Variants in AGBL4 observed in about 807,000 individuals in gnomAD.
AGBL4 encodes cytosolic carboxypeptidase 6.
In AGBL4, 58 loss-of-function variants were observed where a neutral mutation model predicts 66.4. The observed-to-expected ratio is 0.87, with a 90% confidence interval of 0.71 to 1.09. The LOEUF is 1.09. Ranked by LOEUF, AGBL4 falls within the 50% of genes least tolerant of loss-of-function variation. The pLI is 0.00. For missense variants in AGBL4, 579 were observed against 631.0 expected (o/e 0.92, Z 0.88); for synonymous variants, 234 against 222.9 (o/e 1.05, Z -0.44).
At chr1:49,516,075 C>A (rs1558013705) in intron 3 of AGBL4, among the ~76,000 whole-genome samples, 1 of 147,602 alleles carries the variant, frequency 6.8e-6, no homozygotes, top group East Asian at 2.0e-4. Context: ...CCCCCCCCCA[C>A]AAAAAAAAAT....
At chr1:48,892,679 G>T (rs558551674) in intron 5 of AGBL4, among the ~76,000 whole-genome samples, 58 of 152,270 alleles carry the variant, frequency 3.8e-4, no homozygotes, top group African/African-American at 1.4e-3. Flanking sequence ...TTCCAAAGCA[G>T]GCAATTAGAT....
chr1:49,579,507 T>C (rs1644500411), intron 3 of AGBL4, among the ~76,000 whole-genome samples: 1 of 152,170 alleles, frequency 6.6e-6, no homozygotes, highest in Non-Finnish European at 1.5e-5. Context: ...GGTAGAATTT[T>C]CTTTTTTTTT....
In AGBL4 at chr1:48,840,768, A is replaced by C. The variant is rs187162579; in HGVS notation, c.634+26423T>G. 1.8e-4 allele frequency among the ~76,000 whole-genome samples: 27 copies of C among 152,334 alleles called. No homozygotes were observed. The East Asian group carries it at 5.2e-3, about 29-fold the overall frequency. On this transcript the variant is annotated intron_variant, in intron 6 of 13. Coordinates refer to ENST00000371839, the MANE Select transcript of AGBL4 (RefSeq NM_032785.4). ...CACTGCTAGGTATTTACCATAGAGA[A>C]ATGAAAAAACTTATGTTCACACAAA...
chr1:48,867,081 G>A (rs912074658), intron 6 of AGBL4, 110 bp downstream of exon 6: 14 of 1,215,262 alleles, frequency 1.2e-5, no homozygotes, highest in Admixed American at 2.0e-5. Flanking sequence ...GAGTTCTGCC[G>A]TTCATTCAGG....
At chr1:49,256,365 T>C (rs921080946) in intron 3 of AGBL4, among the ~76,000 whole-genome samples, 1 of 152,116 alleles carries the variant, frequency 6.6e-6, no homozygotes, top group African/African-American at 2.4e-5. Flanking sequence ...AAGTCAATAC[T>C]TAAAAATCAA....
intron 1 of AGBL4, among the ~76,000 whole-genome samples, chr1:49,923,880 T>C (rs1216207576): frequency 6.6e-6 from 1 of 152,208 alleles, no homozygotes; most frequent in Non-Finnish European, 1.5e-5. Flanking sequence ...AAGTGTAACT[T>C]AGTTCAACCA....
At chr1:48,954,535 T>C (rs955126311) in intron 5 of AGBL4, among the ~76,000 whole-genome samples, 4 of 152,222 alleles carry the variant, frequency 2.6e-5, no homozygotes, top group Admixed American at 6.5e-5. Context: ...TAAAGGTTGT[T>C]AAGATCAAAT....
intron 4 of AGBL4, among the ~76,000 whole-genome samples, chr1:49,207,531 CT>C (rs1173336021): frequency 2.5e-4 from 26 of 103,054 alleles, no homozygotes; most frequent in East Asian, 1.6e-3. Flanking sequence ...TTCTCTCTTT[CT>C]TTTTCTTTCT....
intron 1 of AGBL4, among the ~76,000 whole-genome samples, chr1:49,916,800 A>C (rs1434649456): frequency 6.6e-6 from 1 of 152,190 alleles, no homozygotes; most frequent in Non-Finnish European, 1.5e-5. Flanking sequence ...ACCAAAGTTG[A>C]AATGAAGGAA....
intron 2 of AGBL4, among the ~76,000 whole-genome samples, chr1:49,839,579 A>T (rs1048800510): frequency 6.6e-6 from 1 of 152,208 alleles, no homozygotes; most frequent in African/African-American, 2.4e-5. Flanking sequence ...GCCATGACAG[A>T]TTTTGAGGAA....
At chr1:49,009,913 G>C (rs901307605) in intron 5 of AGBL4, among the ~76,000 whole-genome samples, 1 of 151,772 alleles carries the variant, frequency 6.6e-6, no homozygotes, top group African/African-American at 2.4e-5. Context: ...CAAACCCACA[G>C]CCAATATCAT....
chr1:49,066,045 G>C (rs1421439442), intron 4 of AGBL4, among the ~76,000 whole-genome samples: 1 of 152,144 alleles, frequency 6.6e-6, no homozygotes, highest in East Asian at 1.9e-4. Context: ...TGCTGTAAGG[G>C]GAAAAAGAAG....
intron 3 of AGBL4, among the ~76,000 whole-genome samples, chr1:49,552,791 C>A (rs1455360866): frequency 6.6e-6 from 1 of 152,154 alleles, no homozygotes; most frequent in Non-Finnish European, 1.5e-5. Context: ...TCTGTCTGTC[C>A]GAGTCAGAGC....
chr1:48,863,492 C>T (rs1285191268), intron 6 of AGBL4, among the ~76,000 whole-genome samples: 1 of 151,960 alleles, frequency 6.6e-6, no homozygotes, highest in African/African-American at 2.4e-5. Flanking sequence ...TTAATTGTTG[C>T]TTTCAAAAGA....
chr1:48,824,595 T>C (rs957650767), intron 6 of AGBL4, among the ~76,000 whole-genome samples: 19 of 151,658 alleles, frequency 1.3e-4, no homozygotes, highest in African/African-American at 4.6e-4. Flanking sequence ...TCAGTGGGAG[T>C]TGGGGGAGGA....
intron 1 of AGBL4, among the ~76,000 whole-genome samples, chr1:49,975,457 T>C (rs1411368484): frequency 6.6e-6 from 1 of 152,098 alleles, no homozygotes; most frequent in Non-Finnish European, 1.5e-5. Flanking sequence ...GCTCAGAAAA[T>C]GGCCAGCAAG....
At chr1:49,430,564 C>T (rs1019993736) in intron 3 of AGBL4, among the ~76,000 whole-genome samples, 1 of 152,154 alleles carries the variant, frequency 6.6e-6, no homozygotes, top group African/African-American at 2.4e-5. Flanking sequence ...AGGAAACAGA[C>T]ACCATCTCAA....
chr1:49,953,773 T>C (rs1656358297), intron 1 of AGBL4, among the ~76,000 whole-genome samples: 1 of 151,996 alleles, frequency 6.6e-6, no homozygotes, highest in Non-Finnish European at 1.5e-5. Context: ...TCAATCTGTA[T>C]CTAAACACCA....
At chr1:49,441,597 G>T (rs536005221) in intron 3 of AGBL4, among the ~76,000 whole-genome samples, 2 of 152,260 alleles carry the variant, frequency 1.3e-5, no homozygotes, top group African/African-American at 4.8e-5. Flanking sequence ...AATGCCTTGA[G>T]AAATAGATTT....
Sources: allele counts gnomAD v4.1 joint callset (sites outside exome capture counted in the v4.1 genomes callset), GRCh38; gene constraint gnomAD v4.1.1; transcripts MANE v1.5; gene names NCBI Gene and HGNC (gene_info 2026-07-23, HGNC 2026-07-21).